The following SRD5A1 variants were observed in gnomAD, a reference collection of about 807,000 sequenced individuals.
SRD5A1 encodes steroid 5 alpha-reductase 1.
Under a neutral mutation model 28.2 loss-of-function variants are expected in SRD5A1, and 22 were observed. The ratio of observed to expected loss-of-function variants is 0.78; its 90% CI spans 0.56 to 1.12. The LOEUF (loss-of-function observed/expected upper bound fraction) is 1.12, where lower values mean the gene tolerates loss of function less well. Among genes scored for constraint, SRD5A1 ranks in the 50% most tolerant of loss-of-function variants. The pLI is 0.00. For synonymous variants in SRD5A1, 151 were observed against 135.0 expected, an observed-to-expected ratio of 1.12 and a Z score of -0.82; for missense variants, 300 against 346.7, an observed-to-expected ratio of 0.87 and a Z score of 1.07.
At chr5:6,663,380 A>G (rs954527751) in intron 4 of SRD5A1, among the ~76,000 whole-genome samples, 1 of 152,202 alleles carries the variant, frequency 6.6e-6, no homozygotes, top group Non-Finnish European at 1.5e-5. Flanking sequence ...CACTGGCAGA[A>G]CTCATACACA....
Position 6,671,637 on chromosome 5 carries a change from C to T in SRD5A1, c.*3369C>T, listed in dbSNP as rs1739362887. On this transcript the variant is annotated 3_prime_UTR_variant, in exon 5 of 5. Transcript: ENST00000274192. ...ATGTGGGAGCTAAGCTATGAGGACA[C>T]AAAGGCATAAGAATGGTACAATGGA... 1 of 148,588 alleles carries T rather than the reference C, an allele frequency of 6.7e-6. No homozygotes were observed. The highest frequency in any genetic ancestry group is 2.1e-4 in the South Asian group (1 of 4,702). 9.2% of individuals were successfully genotyped at this position (148,588 alleles called of 1,614,324 possible). A position where few individuals can be genotyped will look rare whatever the true frequency, so the allele number is the denominator to read the frequency against.
chr5:6,641,679 G>A (rs1738365384), intron 1 of SRD5A1, among the ~76,000 whole-genome samples: 1 of 152,216 alleles, frequency 6.6e-6, no homozygotes, highest in Non-Finnish European at 1.5e-5. Context: ...GTAAGGCTCG[G>A]TTTCCAGTCC....
At chr5:6,635,332 A>G (rs1738152359) in intron 1 of SRD5A1, among the ~76,000 whole-genome samples, 1 of 152,016 alleles carries the variant, frequency 6.6e-6, no homozygotes, top group Admixed American at 6.6e-5. Flanking sequence ...TTGGAATGGG[A>G]TCAACCATTG....
At chr5:6,662,561 G>A (rs999045294) in intron 3 of SRD5A1, among the ~76,000 whole-genome samples, 1 of 152,214 alleles carries the variant, frequency 6.6e-6, no homozygotes, top group African/African-American at 2.4e-5. Flanking sequence ...GTTTATTGGT[G>A]TCTTCCACTG....
At chr5:6,642,268 C>T (rs936262079) in intron 1 of SRD5A1, among the ~76,000 whole-genome samples, 4 of 152,112 alleles carry the variant, frequency 2.6e-5, no homozygotes, top group African/African-American at 9.7e-5. Context: ...TAAATGGAAG[C>T]GTTGACATCA....
At chr5:6,635,510 C>T (rs547586132) in intron 1 of SRD5A1, among the ~76,000 whole-genome samples, 15 of 152,280 alleles carry the variant, frequency 9.9e-5, no homozygotes, top group South Asian at 2.1e-4. Context: ...TAAGCTGCCC[C>T]GCAGCAAGGT....
rs181806 is a variant in SRD5A1 at position 6,646,479 on chromosome 5, G to A, written c.294-5363G>A. On this transcript the variant is annotated intron_variant, in intron 1 of 4. Coordinates refer to ENST00000274192, the MANE Select transcript of SRD5A1 (RefSeq NM_001047.4). ...TTGTTATTGGTGTATTCAGGGATTC[G>A]ACTTCTTCCTGGTTTAATCTTGGGA... Among the ~76,000 whole-genome samples, 303 of 152,252 alleles carry A rather than the reference G, an allele frequency of 2.0e-3. 5 individuals are homozygous for A. The highest frequency in any genetic ancestry group is 6.8e-3 in the African/African-American group (283 of 41,548).
intron 1 of SRD5A1, among the ~76,000 whole-genome samples, chr5:6,635,465 C>T (rs1738155579): frequency 6.6e-6 from 1 of 152,220 alleles, no homozygotes; most frequent in African/African-American, 2.4e-5. Flanking sequence ...TCGGTGCTAT[C>T]CTAGTCCCAT....
At chr5:6,657,562 G>A (rs1277063592) in intron 3 of SRD5A1, among the ~76,000 whole-genome samples, 1 of 152,242 alleles carries the variant, frequency 6.6e-6, no homozygotes, top group African/African-American at 2.4e-5. Context: ...CTGTCCTGAG[G>A]AGGAGCTGCC....
intron 1 of SRD5A1, among the ~76,000 whole-genome samples, chr5:6,650,408 C>T (rs1293274327): frequency 2.0e-3 from 277 of 136,344 alleles, no homozygotes; most frequent in African/African-American, 7.5e-3. Context: ...AAGACCCTGT[C>T]TTGAAAAAAA....
rs1739439394 is a variant in SRD5A1, at chr5:6,674,113, A to G, written c.*5845A>G. On this transcript the variant is annotated 3_prime_UTR_variant, in exon 5 of 5. Coordinates refer to ENST00000274192, the MANE Select transcript of SRD5A1 (RefSeq NM_001047.4). ...ACTCTGGATTTTTATTAATAATATT[A>G]TTTAATTAAAATGATTTATTTTACT... The G allele has an allele frequency of 6.6e-6, 1 of 151,782 alleles. No individual in the cohort carries two copies. Among genetic ancestry groups the G allele is most frequent in the Non-Finnish European group, 1.5e-5 (1 of 67,946 alleles). The allele number at this position is 151,782 out of a possible 1,614,324, so 9.4% of individuals were successfully genotyped here.
chr5:6,653,222 T>C (rs1738730244), intron 2 of SRD5A1, among the ~76,000 whole-genome samples: 1 of 152,176 alleles, frequency 6.6e-6, no homozygotes, highest in Non-Finnish European at 1.5e-5. Flanking sequence ...ATTCCAAGGT[T>C]TCATCATACC....
At chr5:6,634,062 C>G (rs1233298606) in intron 1 of SRD5A1, among the ~76,000 whole-genome samples, 193 bp downstream of exon 1, 3 of 152,192 alleles carry the variant, frequency 2.0e-5, no homozygotes, top group African/African-American at 7.2e-5. Flanking sequence ...AGTTTGGAAA[C>G]CAGAAGGGAT....
At chr5:6,641,292 C>A (rs944635379) in intron 1 of SRD5A1, among the ~76,000 whole-genome samples, 1 of 152,152 alleles carries the variant, frequency 6.6e-6, no homozygotes, top group Non-Finnish European at 1.5e-5. Flanking sequence ...CCCCACCCCA[C>A]GCGAGTTCCA....
chr5:6,637,508 A>G (rs1433400382), intron 1 of SRD5A1, among the ~76,000 whole-genome samples: 1 of 152,110 alleles, frequency 6.6e-6, no homozygotes, highest in African/African-American at 2.4e-5. Flanking sequence ...GGCTTTGCAG[A>G]CTGTGCCTGA....
chr5:6,658,576 T>C (rs1402088074), intron 3 of SRD5A1, among the ~76,000 whole-genome samples: 1 of 152,138 alleles, frequency 6.6e-6, no homozygotes, highest in African/African-American at 2.4e-5. Context: ...TGCAGAAGCT[T>C]GGCTGTAACT....
intron 2 of SRD5A1, among the ~76,000 whole-genome samples, chr5:6,652,873 CAA>C (rs11343625): frequency 9.1e-4 from 87 of 95,146 alleles, no homozygotes; most frequent in East Asian, 1.9e-3. Context: ...GACTCTGTCT[CAA>C]AAAAAAAAAA....
chr5:6,642,112 T>C (rs774772496), intron 1 of SRD5A1, among the ~76,000 whole-genome samples: 1 of 152,250 alleles, frequency 6.6e-6, no homozygotes, highest in African/African-American at 2.4e-5. Context: ...AATATATGTC[T>C]AATGAGAAGA....
chr5:6,667,235 G>T (rs1001887377), intron 4 of SRD5A1, among the ~76,000 whole-genome samples: 8 of 152,262 alleles, frequency 5.3e-5, no homozygotes, highest in Admixed American at 4.6e-4. Context: ...GCCAGGGGAA[G>T]TGACGCTTGA....
Sources: allele counts gnomAD v4.1 joint callset (sites outside exome capture counted in the v4.1 genomes callset), GRCh38; gene constraint gnomAD v4.1.1; transcripts MANE v1.5; gene names NCBI Gene and HGNC (gene_info 2026-07-23, HGNC 2026-07-21).